ESPN: variants seen among roughly 807,000 people sequenced by gnomAD.
ESPN encodes the protein espin.
In ESPN, 68 loss-of-function variants were observed where a neutral mutation model predicts 77.7. The observed-to-expected ratio is 0.87, with a 90% CI of 0.72 to 1.07. ESPN has a LOEUF of 1.07. ESPN is among the 50% of genes least tolerant of loss of function. ESPN has a pLI of 0.00. For missense variants in ESPN, 1,060 were observed against 1,239.0 expected, an observed-to-expected ratio of 0.86 and a Z score of 2.17; for synonymous variants, 449 against 567.1, an observed-to-expected ratio of 0.79 and a Z score of 2.96.
intron 4 of ESPN, 40 bp from the exon 5 acceptor site, chr1:6,440,894 C>T: frequency 1.9e-6 from 3 of 1,541,424 alleles, no homozygotes; most frequent in African/African-American, 1.4e-5. Flanking sequence ...GGGGTCCCAG[C>T]TCGCGGCCGC....
chr1:6,440,902 C>T (rs1557703182), intron 4 of ESPN, 32 bp from the exon 5 acceptor site: 3 of 1,545,010 alleles, frequency 1.9e-6, no homozygotes, highest in African/African-American at 1.4e-5. Context: ...AGCTCGCGGC[C>T]GCGGCCGGGT....
chr1:6,448,941 C>A lies in ESPN; in HGVS notation c.1765C>A (p.Pro589Thr). 2 of 1,407,498 alleles carry A rather than the reference C, an allele frequency of 1.4e-6. No individual in the cohort carries two copies. The highest frequency in any genetic ancestry group is 1.8e-6 in the Non-Finnish European group (2 of 1,086,108). 87.2% of individuals were successfully genotyped at this position (1,407,498 alleles called of 1,614,324 possible). Residue 589 changes from proline (P) to threonine (T), a missense_variant, in exon 8 of 13, where the codon CCC (proline) becomes ACC (threonine). Physicochemically the swap from Pro to Thr is conservative, Grantham distance 38 (BLOSUM62 -1). This residue lies in a region of ESPN where 374 missense variants were observed against 381.4 expected (regional missense o/e 0.98). Transcript: ENST00000645284. The stretch of plus-strand genomic sequence containing the variant: ...TGTTCCTAACGGCTGCGCCGCGGAC[C>A]CCAAGGCGTCCAGGGAGCTGCCACC... ...NHVPNGCAAD[P>T]KASRELPPPP...
At chr1:6,433,919 T>C (rs377094913) in intron 2 of ESPN, among the ~76,000 whole-genome samples, 6 of 152,114 alleles carry the variant, frequency 3.9e-5, no homozygotes, top group African/African-American at 1.4e-4. Flanking sequence ...CTGCCCTTTT[T>C]CTTTGAGACT....
intron 10 of ESPN, chr1:6,454,456 G>A (rs1644012982): frequency 2.5e-6 from 1 of 398,978 alleles, no homozygotes; most frequent in Non-Finnish European, 4.4e-6. Flanking sequence ...AGCTCGTGCT[G>A]CTACCCCCGC....
intron 12 of ESPN, among the ~76,000 whole-genome samples, chr1:6,458,614 C>G (rs938342041): frequency 1.3e-5 from 2 of 151,644 alleles, no homozygotes; most frequent in Non-Finnish European, 2.9e-5. Flanking sequence ...TCGCACCAGG[C>G]CTGCAAAAAA....
chr1:6,452,012 C>A lies in ESPN; in HGVS notation c.2241C>A (p.Gly747=), dbSNP rs1193385830. The change falls in exon 10 of 13, where the codon GGC becomes GGA. Residue 747 remains glycine (G), a synonymous_variant. Transcript: ENST00000645284. The part of the protein sequence containing the change: ...EALIPTHDEQ[G]RPIPEWKRQV... ...TCATCCCCACGCACGATGAGCAGGG[C>A]CGGCCCATCCCCGAGTGGAAGCGCC... The A allele has an allele frequency of 1.2e-6, 2 of 1,600,246 alleles. No homozygotes were observed. The highest frequency in any genetic ancestry group is 1.7e-6 in the Non-Finnish European group (2 of 1,173,014).
intron 1 of ESPN, 105 bp downstream of exon 1, chr1:6,425,354 T>G: frequency 7.3e-7 from 1 of 1,365,144 alleles, no homozygotes; most frequent in Non-Finnish European, 1.0e-6. Flanking sequence ...TGGCACCTCC[T>G]GGCCCAGCTG....
In ESPN at chr1:6,448,878, T is replaced by G. The variant is rs1382527684; in HGVS notation, c.1702T>G (p.Ser568Ala). 18 of 1,313,832 alleles carry G rather than the reference T, an allele frequency of 1.4e-5. No homozygotes were observed. Among genetic ancestry groups the G allele is most frequent in the Non-Finnish European group, 1.5e-5 (16 of 1,037,474 alleles). The allele number at this position is 1,313,832 out of a possible 1,614,324, so 81.4% of individuals were successfully genotyped here. A position where few individuals can be genotyped will look rare whatever the true frequency, so the allele number is the denominator to read the frequency against. ...CGCCCGCGGCTCACTCGAAGGCCCC[T>G]CCGCTCCCCCGCAGGCGGCGCTGCT... is the stretch of plus-strand genomic sequence containing the variant. ...PAARGSLEGP[S>A]APPQAALLPG... The change falls in exon 8 of 13, where the codon TCC becomes GCC. Residue 568 changes from serine (S) to alanine (A), a missense_variant. Ser to Ala is a moderately conservative substitution (Grantham distance 99). Around this residue, in one of 3 missense-constraint regions of ESPN, gnomAD observed 130 missense variants for 223.9 expected, o/e 0.58. Coordinates refer to ENST00000645284, the MANE Select transcript of ESPN (RefSeq NM_031475.3).
chr1:6,456,788 A>G, intron 10 of ESPN: 1 of 329,184 alleles, frequency 3.0e-6, no homozygotes, highest in East Asian at 6.8e-5. Context: ...TTCACAGGGG[A>G]GCCAGGGGCA....
chr1:6,435,621 T>C (rs987307039), intron 2 of ESPN, among the ~76,000 whole-genome samples: 2 of 152,180 alleles, frequency 1.3e-5, no homozygotes, highest in African/African-American at 4.8e-5. Flanking sequence ...CAGCTGTCAC[T>C]GTGGTCGGGG....
At chr1:6,456,472 CAGA>C (rs1644059896) in intron 10 of ESPN, 1 of 271,574 alleles carries the variant, frequency 3.7e-6, no homozygotes, top group Non-Finnish European at 6.8e-6. Context: ...AGCCAGGCAG[CAGA>C]AGAAGCCCCT....
chr1:6,432,555 C>G (rs571949711), intron 2 of ESPN, among the ~76,000 whole-genome samples: 25 of 152,342 alleles, frequency 1.6e-4, no homozygotes, highest in South Asian at 6.2e-4. Context: ...GTCGTCTAAC[C>G]GGGGCTAGTG....
chr1:6,428,153 A>C lies in ESPN; in HGVS notation c.295-73A>C. On this transcript the variant is annotated intron_variant, in intron 1 of 12. Coordinates refer to ENST00000645284, the MANE Select transcript of ESPN (RefSeq NM_031475.3). This position sits in a 1 kb window ranked among gnomAD's most constrained non-coding sequence, Gnocchi z 5.4. ...CAGAGCTACCTTCCAGGCCTGTGGG[A>C]GTCTGGGAGTGGCCCAAGCCAGGGG... The C allele has an allele frequency of 1.3e-6, 2 of 1,485,744 alleles. No homozygotes were observed. Among genetic ancestry groups the C allele is most frequent in the Non-Finnish European group, 1.9e-6 (2 of 1,065,072 alleles). 92.0% of individuals were successfully genotyped at this position (1,485,744 alleles called of 1,614,324 possible). A position where few individuals can be genotyped will look rare whatever the true frequency, so the allele number is the denominator to read the frequency against.
At chr1:6,455,622 T>C (rs910628567) in intron 10 of ESPN, 1 of 399,308 alleles carries the variant, frequency 2.5e-6, no homozygotes, top group Non-Finnish European at 4.4e-6. Context: ...ACCCCCGCAC[T>C]ACGACAGCCT....
chr1:6,451,981 A>G lies in ESPN; in HGVS notation c.2210A>G (p.Glu737Gly). 1 of 1,609,344 alleles carries G rather than the reference A, an allele frequency of 6.2e-7. No individual in the cohort carries two copies. The highest frequency in any genetic ancestry group is 8.5e-7 in the Non-Finnish European group (1 of 1,178,042). ...GCGCCGGGAGTGCAGCTGGACGTGG[A>G]GGCTCTCATCCCCACGCACGATGAG... ...TPAPGVQLDV[E>G]ALIPTHDEQG... The change falls in exon 10 of 13, where the codon GAG becomes GGG. Residue 737 changes from glutamate (E) to glycine (G), a missense_variant. Glu to Gly is a moderately conservative substitution (Grantham distance 98). Transcript: ENST00000645284. This position sits in a 1 kb window ranked among gnomAD's most constrained non-coding sequence, Gnocchi z 4.3.
Position 6,428,438 on chromosome 1 carries a change from A to G in ESPN, c.488+19A>G, listed in dbSNP as rs1210007347. The stretch of plus-strand genomic sequence containing the variant: ...ACCCTGAGTAAGATCACCCCTCTTA[A>G]GGGGTCCTCTGGGTGGGCTGGGCCA... On this transcript the variant is annotated intron_variant, in intron 2 of 12. Coordinates refer to ENST00000645284, the MANE Select transcript of ESPN (RefSeq NM_031475.3). This position sits in a 1 kb window ranked among gnomAD's most constrained non-coding sequence, Gnocchi z 5.4. 3.8e-6 allele frequency: 6 copies of G among 1,595,494 alleles called. No homozygotes were observed. Among genetic ancestry groups the G allele is most frequent in the Non-Finnish European group, 5.1e-6 (6 of 1,167,980 alleles).
In ESPN at chr1:6,451,587, T is replaced by G. The variant is rs1490741688; in HGVS notation, c.1916-16T>G. ...GCCCCACCCTGGCCAGTGCCTCATC[T>G]CCTGCCTCCGCATAGGCACCAAGTC... On this transcript the variant is annotated splice_polypyrimidine_tract_variant and intron_variant, in intron 8 of 12. Coordinates refer to ENST00000645284, the MANE Select transcript of ESPN (RefSeq NM_031475.3). This position sits in a 1 kb window ranked among gnomAD's most constrained non-coding sequence, Gnocchi z 4.3. The G allele has an allele frequency of 3.7e-6, 6 of 1,611,078 alleles. No individual in the cohort carries two copies. Among genetic ancestry groups the G allele is most frequent in the African/African-American group, 2.7e-5 (2 of 74,904 alleles).
intron 10 of ESPN, chr1:6,456,309 C>T (rs1644057368): frequency 1.5e-5 from 6 of 387,826 alleles, no homozygotes; most frequent in Admixed American, 1.3e-4. Flanking sequence ...AGGACTGTGG[C>T]CTTGAGCAGC....
rs552715518 is a variant in ESPN at position 6,445,897 on chromosome 1, A to C, written c.1426A>C (p.Lys476Gln). 59 of 1,612,084 alleles carry C rather than the reference A, an allele frequency of 3.7e-5. No homozygotes were observed. Among genetic ancestry groups the C allele is most frequent in the Middle Eastern group, 3.3e-4 (2 of 6,052 alleles). The stretch of plus-strand genomic sequence containing the variant: ...TGACATCTACATGCAGACCAAGAAC[A>C]AACTCCGCCACGTGGAGACAGAGGC... ...AADIYMQTKN[K>Q]LRHVETEALK... Residue 476 changes from lysine (K) to glutamine (Q), a missense_variant, in exon 7 of 13, where the codon AAA becomes CAA. This residue lies in a region of ESPN where 130 missense variants were observed against 223.9 expected (regional missense o/e 0.58). Coordinates refer to ENST00000645284, the MANE Select transcript of ESPN (RefSeq NM_031475.3).
Sources: allele counts gnomAD v4.1 joint callset (sites outside exome capture counted in the v4.1 genomes callset), GRCh38; gene constraint gnomAD v4.1.1; regional missense constraint gnomAD v4.1.1; non-coding constraint Gnocchi (gnomAD v3.1); transcripts MANE v1.5; gene names NCBI Gene and HGNC (gene_info 2026-07-23, HGNC 2026-07-21).